TAFA1: variants seen among roughly 807,000 people sequenced by gnomAD.
TAFA1 encodes chemokine-like protein TAFA-1.
A neutral mutation model predicts 18.5 loss-of-function variants in TAFA1; 4 were observed. That is an observed-to-expected ratio of 0.22 (90% CI 0.11 to 0.49). The LOEUF (loss-of-function observed/expected upper bound fraction) is 0.49, where lower values mean the gene tolerates loss of function less well. Among genes scored for constraint, TAFA1 ranks in the 20% least tolerant of loss-of-function variants. TAFA1 has a pLI of 0.98. For missense variants in TAFA1, 147 were observed against 169.0 expected (o/e 0.87, Z 0.72); for synonymous variants, 56 against 55.2 (o/e 1.01, Z -0.06).
intron 2 of TAFA1, among the ~76,000 whole-genome samples, chr3:68,297,296 G>T (rs1305343633): frequency 6.6e-6 from 1 of 152,130 alleles, no homozygotes; most frequent in Non-Finnish European, 1.5e-5. Flanking sequence ...ACTACTTAAA[G>T]CATTAAAGCA....
intron 2 of TAFA1, among the ~76,000 whole-genome samples, chr3:68,389,588 A>C (rs1230231275): frequency 6.6e-6 from 1 of 152,172 alleles, no homozygotes; most frequent in Non-Finnish European, 1.5e-5. Flanking sequence ...CCAAATAGGA[A>C]CAGCTCCGGT....
intron 2 of TAFA1, among the ~76,000 whole-genome samples, chr3:68,012,474 T>A (rs1159063170): frequency 6.6e-6 from 1 of 152,044 alleles, no homozygotes; most frequent in Non-Finnish European, 1.5e-5. Context: ...CATTGCTGAG[T>A]GGAGAAAACA....
chr3:68,509,120 T>C (rs530256078), intron 3 of TAFA1, among the ~76,000 whole-genome samples: 14 of 152,242 alleles, frequency 9.2e-5, no homozygotes, highest in East Asian at 7.7e-4. Context: ...TTAATATTCA[T>C]TGAGCACTTG....
intron 3 of TAFA1, among the ~76,000 whole-genome samples, chr3:68,475,304 C>G (rs577802037): frequency 1.3e-5 from 2 of 151,734 alleles, no homozygotes; most frequent in East Asian, 3.9e-4. Flanking sequence ...TGCTATCCCT[C>G]CCCCATCCCC....
At chr3:68,011,977 C>T (rs1177049746) in intron 2 of TAFA1, among the ~76,000 whole-genome samples, 1 of 152,094 alleles carries the variant, frequency 6.6e-6, no homozygotes, top group East Asian at 1.9e-4. Flanking sequence ...GGTTTCAACT[C>T]CTAGTTAGGG....
At chr3:68,200,293 T>C (rs556355719) in intron 2 of TAFA1, among the ~76,000 whole-genome samples, 17 of 151,796 alleles carry the variant, frequency 1.1e-4, no homozygotes, top group African/African-American at 3.9e-4. Flanking sequence ...TCTGTAGATT[T>C]GTTTTCTTGT....
At chr3:68,296,714 A>T (rs2068214502) in intron 2 of TAFA1, among the ~76,000 whole-genome samples, 2 of 152,148 alleles carry the variant, frequency 1.3e-5, no homozygotes, top group African/African-American at 4.8e-5. Flanking sequence ...ATATTAATAT[A>T]CGTAATAATT....
At chr3:68,461,669 A>G (rs1005400460) in intron 3 of TAFA1, among the ~76,000 whole-genome samples, 7 of 151,362 alleles carry the variant, frequency 4.6e-5, no homozygotes, top group Non-Finnish European at 1.0e-4. Flanking sequence ...ACCCTGTCTC[A>G]GTTATGTTCA....
At chr3:68,539,780 AG>A (rs1158673799) in intron 4 of TAFA1, among the ~76,000 whole-genome samples, 1 of 136,366 alleles carries the variant, frequency 7.3e-6, no homozygotes, top group Non-Finnish European at 1.5e-5. Context: ...TTCTTGAGAG[AG>A]GGGGGTCTCA....
At chr3:68,342,557 T>G (rs1231482509) in intron 2 of TAFA1, among the ~76,000 whole-genome samples, 1 of 152,246 alleles carries the variant, frequency 6.6e-6, no homozygotes, top group Non-Finnish European at 1.5e-5. Flanking sequence ...TGTCTTTTAT[T>G]CTCAGCATGC....
intron 4 of TAFA1, among the ~76,000 whole-genome samples, chr3:68,541,618 G>C (rs1216625952): frequency 6.6e-6 from 1 of 151,468 alleles, no homozygotes; most frequent in East Asian, 1.9e-4. Context: ...TACCTCTTTT[G>C]TTCTTTTTTG....
intron 2 of TAFA1, among the ~76,000 whole-genome samples, chr3:68,201,368 G>T (rs1220074029): frequency 6.6e-6 from 1 of 151,694 alleles, no homozygotes; most frequent in African/African-American, 2.4e-5. Flanking sequence ...GTTGGATGAA[G>T]AAATCTATAG....
At chr3:68,338,927 T>C (rs2069025786) in intron 2 of TAFA1, among the ~76,000 whole-genome samples, 1 of 152,220 alleles carries the variant, frequency 6.6e-6, no homozygotes, top group South Asian at 2.1e-4. Flanking sequence ...AAGTTTTTCC[T>C]TCTGAGGCTC....
intron 2 of TAFA1, among the ~76,000 whole-genome samples, chr3:68,214,827 C>T (rs900829771): frequency 1.3e-4 from 19 of 151,780 alleles, no homozygotes; most frequent in African/African-American, 3.9e-4. Flanking sequence ...ATTTATTGTC[C>T]CTGTTTTTTA....
At chr3:68,318,886 T>C (rs1263215557) in intron 2 of TAFA1, among the ~76,000 whole-genome samples, 2 of 152,128 alleles carry the variant, frequency 1.3e-5, no homozygotes, top group African/African-American at 2.4e-5. Context: ...AAGAAATAGA[T>C]CCCAATAGTT....
chr3:68,350,955 C>A (rs1280233730), intron 2 of TAFA1, among the ~76,000 whole-genome samples: 1 of 152,198 alleles, frequency 6.6e-6, no homozygotes, highest in Middle Eastern at 3.4e-3. Flanking sequence ...ATGGTACTGT[C>A]TTACTTGATT....
chr3:68,544,718 G>T lies in TAFA1; in HGVS notation c.*215G>T, dbSNP rs1435984224. The T allele has an allele frequency of 1.8e-5, 8 of 452,040 alleles. No individual in the cohort carries two copies. Among genetic ancestry groups the T allele is most frequent in the Non-Finnish European group, 3.1e-5 (8 of 255,306 alleles). 28.0% of individuals were successfully genotyped at this position (452,040 alleles called of 1,614,324 possible). On this transcript the variant is annotated 3_prime_UTR_variant, in exon 5 of 5. Coordinates refer to ENST00000478136, the MANE Select transcript of TAFA1 (RefSeq NM_213609.4). ...CACCATGGAAAGTGGGCTTAAAAAA[G>T]GGTTTTCTCAGTGAAATTTTTGGGC...
intron 2 of TAFA1, among the ~76,000 whole-genome samples, chr3:68,076,196 A>G (rs951726301): frequency 1.3e-5 from 2 of 152,170 alleles, no homozygotes; most frequent in Non-Finnish European, 2.9e-5. Context: ...TGGTCTTTGA[A>G]GATGAGAGTC....
intron 2 of TAFA1, among the ~76,000 whole-genome samples, chr3:68,200,022 C>T (rs1156666997): frequency 6.6e-6 from 1 of 151,494 alleles, no homozygotes; most frequent in South Asian, 2.1e-4. Flanking sequence ...AAATCAATTT[C>T]TAGTTTACTA....
Sources: gnomAD v4.1 joint callset for allele counts (sites outside exome capture counted in the v4.1 genomes callset) on GRCh38, gnomAD v4.1.1 for gene constraint, MANE v1.5 for transcripts, NCBI Gene and HGNC (gene_info 2026-07-23, HGNC 2026-07-21) for gene names.